CBX5: variants seen among roughly 807,000 people sequenced by gnomAD.
CBX5 encodes chromobox protein homolog 5.
Under a neutral mutation model 20.7 loss-of-function variants are expected in CBX5, and 7 were observed. That is an observed-to-expected ratio of 0.34 (90% CI 0.19 to 0.63). The LOEUF (loss-of-function observed/expected upper bound fraction) is 0.63, where lower values mean the gene tolerates loss of function less well. Among genes scored for constraint, CBX5 ranks in the 30% least tolerant of loss-of-function variants. The probability of loss-of-function intolerance (pLI) is 0.75; values close to 1 mark genes in which losing one functional copy is unlikely to be tolerated. For synonymous variants in CBX5, 78 were observed against 77.0 expected (o/e 1.01, Z -0.07); for missense variants, 110 against 224.1 (o/e 0.49, Z 3.25).
chr12:54,244,098 T>G (rs1229427195), intron 4 of CBX5, among the ~76,000 whole-genome samples: 2 of 150,156 alleles, frequency 1.3e-5, no homozygotes, highest in Admixed American at 6.6e-5. Flanking sequence ...GCCTCCCGGG[T>G]TCACACCATT....
intron 1 of CBX5, among the ~76,000 whole-genome samples, chr12:54,265,569 T>C (rs574715896): frequency 9.3e-4 from 142 of 152,312 alleles, no homozygotes; most frequent in African/African-American, 3.3e-3. Flanking sequence ...GCTTTTTAAA[T>C]GTCTGTTTAA....
At position 54,238,717 on chromosome 12, in the gene CBX5, T is replaced by C. The variant is rs1449169011; in HGVS notation, c.*3038A>G. On this transcript the variant is annotated 3_prime_UTR_variant, in exon 5 of 5. Coordinates refer to ENST00000209875, the MANE Select transcript of CBX5 (RefSeq NM_012117.3). The stretch of plus-strand genomic sequence containing the variant: ...GCATTTGATCTTAACTTGAAGGCCA[T>C]CTGCCCAGCCCAGCAATCAAAGGGC... 6.6e-6 allele frequency: 1 copy of C among 152,230 alleles called. No homozygotes were observed. Among genetic ancestry groups the C allele is most frequent in the Non-Finnish European group, 1.5e-5 (1 of 68,044 alleles). The allele number at this position is 152,230 out of a possible 1,614,324, so 9.4% of individuals were successfully genotyped here.
At chr12:54,258,969 T>C (rs948084827) in intron 1 of CBX5, among the ~76,000 whole-genome samples, 2 of 151,388 alleles carry the variant, frequency 1.3e-5, no homozygotes, top group Non-Finnish European at 2.9e-5. Flanking sequence ...TACAAGAATA[T>C]ATAGTTGGAG....
At chr12:54,250,811 CAAAAAAAAAAAAAAAA>C (rs1164585269) in intron 3 of CBX5, among the ~76,000 whole-genome samples, 25 of 39,354 alleles carry the variant, frequency 6.4e-4, no homozygotes, top group Admixed American at 2.3e-3. Context: ...GACTCCGTCT[CAAAAAAAAAAAAAAAA>C]AAAAAAAAAA....
rs1217303690 is a variant in CBX5 at position 54,240,755 on chromosome 12, G to C, written c.*1000C>G. On this transcript the variant is annotated 3_prime_UTR_variant, in exon 5 of 5. Transcript: ENST00000209875. ...GAAACTCGGGTCCACTGAGAAGTGAGGGTCAGGTTTGAAGCCTCTTTGGTA... is the reference window on the plus strand; with the variant it reads ...GAAACTCGGGTCCACTGAGAAGTGACGGTCAGGTTTGAAGCCTCTTTGGTA... 6.6e-6 allele frequency: 1 copy of C among 152,106 alleles called. No individual in the cohort carries two copies. Among genetic ancestry groups the C allele is most frequent in the Non-Finnish European group, 1.5e-5 (1 of 68,022 alleles). The allele number at this position is 152,106 out of a possible 1,614,324, so 9.4% of individuals were successfully genotyped here.
chr12:54,254,365 A>G (rs1334381245), intron 2 of CBX5, among the ~76,000 whole-genome samples: 1 of 149,416 alleles, frequency 6.7e-6, no homozygotes, highest in Non-Finnish European at 1.5e-5. Flanking sequence ...GTTTATTTAG[A>G]TGGGAATGAT....
At chr12:54,279,547 C>T (rs989503296) in intron 1 of CBX5, among the ~76,000 whole-genome samples, 11 of 152,268 alleles carry the variant, frequency 7.2e-5, no homozygotes, top group African/African-American at 2.6e-4. Flanking sequence ...GCCGATTGGA[C>T]GACTGGTCCC....
At chr12:54,269,072 A>C (rs913193086) in intron 1 of CBX5, among the ~76,000 whole-genome samples, 1 of 152,106 alleles carries the variant, frequency 6.6e-6, no homozygotes, top group African/African-American at 2.4e-5. Context: ...CATCCCAGCT[A>C]ACACGGTGAA....
At chr12:54,275,869 A>C (rs573839137) in intron 1 of CBX5, among the ~76,000 whole-genome samples, 2 of 151,912 alleles carry the variant, frequency 1.3e-5, no homozygotes, top group Admixed American at 6.6e-5. Context: ...GTATGCCTGT[A>C]ATCCCAGCTA....
At position 54,241,611 on chromosome 12, in the gene CBX5, T is replaced by C; in HGVS notation, c.*144A>G. The C allele has an allele frequency of 1.4e-6, 1 of 708,820 alleles. No homozygotes were observed. Among genetic ancestry groups the C allele is most frequent in the Non-Finnish European group, 2.4e-6 (1 of 423,238 alleles). 43.9% of individuals were successfully genotyped at this position (708,820 alleles called of 1,614,324 possible). A position where few individuals can be genotyped will look rare whatever the true frequency, so the allele number is the denominator to read the frequency against. ...ATCAGTTATGTTACAAGAGAACCAA[T>C]ACCAACATTTCTCCTGTGGAGCACA... is the stretch of plus-strand genomic sequence containing the variant. On this transcript the variant is annotated 3_prime_UTR_variant, in exon 5 of 5. Transcript: ENST00000209875.
At position 54,236,829 on chromosome 12, in the gene CBX5, C is replaced by T. The variant is rs528978193; in HGVS notation, c.*4926G>A. The T allele has an allele frequency of 1.3e-5, 2 of 152,268 alleles. No individual in the cohort carries two copies. Among genetic ancestry groups the T allele is most frequent in the East Asian group, 1.9e-4 (1 of 5,178 alleles). The allele number at this position is 152,268 out of a possible 1,614,324, so 9.4% of individuals were successfully genotyped here. ...TCCCCGGGCCAAACACAGATCCCTCCAACCCCTCACTGTACCTTAGGAAAG... is the reference window on the plus strand; with the variant it reads ...TCCCCGGGCCAAACACAGATCCCTCTAACCCCTCACTGTACCTTAGGAAAG... On this transcript the variant is annotated 3_prime_UTR_variant, in exon 5 of 5. Transcript: ENST00000209875.
rs538335277 is a variant in CBX5, at chr12:54,247,487, C to T, written c.325-1272G>A. On this transcript the variant is annotated intron_variant, in intron 3 of 4. Transcript: ENST00000209875. The stretch of plus-strand genomic sequence containing the variant: ...TCAAGCCTGCAGTGAGCTATGATCA[C>T]GCCACTGTGCTCCATGGTGGGCAAC... 8.5e-5 allele frequency among the ~76,000 whole-genome samples: 13 copies of T among 152,200 alleles called. No individual in the cohort carries two copies. In the East Asian group the frequency reaches 1.2e-3, roughly 14 times the overall value.
At chr12:54,262,670 T>C (rs952992520) in intron 1 of CBX5, 2 of 152,652 alleles carry the variant, frequency 1.3e-5, no homozygotes, top group Admixed American at 1.3e-4. Context: ...GACATAATTC[T>C]CTTTTAGACA....
chr12:54,264,478 T>A (rs1417454054), intron 1 of CBX5, among the ~76,000 whole-genome samples: 1 of 152,230 alleles, frequency 6.6e-6, no homozygotes, highest in Non-Finnish European at 1.5e-5. Flanking sequence ...TATAGTCATT[T>A]CATTTTCATC....
intron 2 of CBX5, among the ~76,000 whole-genome samples, chr12:54,255,004 G>A (rs1943849032): frequency 6.6e-6 from 1 of 152,142 alleles, no homozygotes; most frequent in Non-Finnish European, 1.5e-5. Context: ...ATACACTTGG[G>A]GGTTGGGAAG....
At chr12:54,264,387 G>A (rs569721503) in intron 1 of CBX5, among the ~76,000 whole-genome samples, 1 of 152,198 alleles carries the variant, frequency 6.6e-6, no homozygotes, top group African/African-American at 2.4e-5. Context: ...AAACTTCTGG[G>A]CTGAAGCAAT....
Position 54,257,493 on chromosome 12 carries a change from TG to T in CBX5, c.137+20del, listed in dbSNP as rs936097083. On this transcript the variant is annotated intron_variant, in intron 2 of 4. Transcript: ENST00000209875. Reference sequence around the variant, plus strand: ...TCTATCTCTACAGAGTCCCAACGCCTGGGGGAAAAAAGGAACTTACTCAGAA... The same window carrying T: ...TCTATCTCTACAGAGTCCCAACGCCTGGGGAAAAAAGGAACTTACTCAGAA... 2 of 1,613,858 alleles carry T rather than the reference TG, an allele frequency of 1.2e-6. No individual in the cohort carries two copies. The highest frequency in any genetic ancestry group is 1.7e-6 in the Non-Finnish European group (2 of 1,179,836).
At chr12:54,259,265 C>T (rs936752637) in intron 1 of CBX5, 1 of 152,072 alleles carries the variant, frequency 6.6e-6, no homozygotes, top group African/African-American at 2.4e-5. Flanking sequence ...CCCACCACCA[C>T]TCACCTTGGA....
chr12:54,268,666 G>C lies in CBX5; in HGVS notation c.-42-10974C>G, dbSNP rs376667864. 8.3e-4 allele frequency among the ~76,000 whole-genome samples: 127 copies of C among 152,336 alleles called. 1 individual carries two copies. Among genetic ancestry groups the C allele is most frequent in the African/African-American group, 2.9e-3 (121 of 41,584 alleles). Reference sequence around the variant, plus strand: ...CATTGCATGAGCACAGTCTATTCCAGTTTCCAATTTTAAGGCGAGGATTTT... The same window carrying C: ...CATTGCATGAGCACAGTCTATTCCACTTTCCAATTTTAAGGCGAGGATTTT... On this transcript the variant is annotated intron_variant, in intron 1 of 4. Transcript: ENST00000209875.
Sources: allele counts gnomAD v4.1 joint callset (sites outside exome capture counted in the v4.1 genomes callset), GRCh38; gene constraint gnomAD v4.1.1; transcripts MANE v1.5; gene names NCBI Gene and HGNC (gene_info 2026-07-23, HGNC 2026-07-21).